Variants in HHIPL1 observed in about 807,000 individuals in gnomAD.
HHIPL1 encodes the protein HHIP like 1.
Under a neutral mutation model 61.8 loss-of-function variants are expected in HHIPL1, and 43 were observed. The observed-to-expected ratio is 0.70, with a 90% confidence interval of 0.55 to 0.90. The LOEUF (loss-of-function observed/expected upper bound fraction) is 0.90. Ranked by LOEUF, HHIPL1 falls within the 40% of genes least tolerant of loss-of-function variation. The pLI is 0.00. For missense variants in HHIPL1, 1,056 were observed against 1,157.7 expected (o/e 0.91, Z 1.28); for synonymous variants, 482 against 515.8 (o/e 0.93, Z 0.89).
intron 6 of HHIPL1, among the ~76,000 whole-genome samples, chr14:99,663,875 T>C (rs1461243637): frequency 6.6e-6 from 1 of 152,168 alleles, no homozygotes; most frequent in Non-Finnish European, 1.5e-5. Flanking sequence ...ATCTGGAATG[T>C]TGGAAATGCA....
chr14:99,659,886 T>G, intron 4 of HHIPL1, 130 bp downstream of exon 4: 2 of 622,662 alleles, frequency 3.2e-6, no homozygotes, highest in African/African-American at 2.3e-5. Context: ...GAGTCTGTCC[T>G]CGGCCCCACT....
the HHIPL1 span, among the ~76,000 whole-genome samples, chr14:99,628,317 C>T: frequency 6.8e-4 from 103 of 152,266 alleles, no homozygotes; most frequent in Admixed American, 1.9e-3. Context: ...CGGTGGCTCA[C>T]GCCTGTCATC....
the HHIPL1 span, among the ~76,000 whole-genome samples, chr14:99,607,857 T>A: frequency 2.0e-5 from 3 of 152,150 alleles, no homozygotes; most frequent in African/African-American, 7.2e-5. Context: ...ATTCATTAGC[T>A]CACTGAACAT....
At chr14:99,669,118 T>C in intron 7 of HHIPL1, 1 of 1,409,960 alleles carries the variant, frequency 7.1e-7, no homozygotes, top group Non-Finnish European at 9.2e-7. Context: ...TCAGACTTGG[T>C]AATCCCTGGG....
At chr14:99,646,818 ATATGATATGATATG>A (rs2055845273) in intron 1 of HHIPL1, among the ~76,000 whole-genome samples, 10 of 67,686 alleles carry the variant, frequency 1.5e-4, no homozygotes, top group South Asian at 4.8e-4. Flanking sequence ...ATATGATATG[ATATGATATGATATG>A]ATATAATATA....
chr14:99,675,565 A>G lies in HHIPL1; in HGVS notation c.2288A>G (p.His763Arg). Reference protein sequence around the residue: ...LECQHNGVGTHNCEHDEDAGV... With the variant: ...LECQHNGVGTRNCEHDEDAGV... Reference sequence around the variant, plus strand: ...TGCCAGCACAACGGCGTGGGCACCCACAACTGCGAGCACGACGAGGATGCG... The same window carrying G: ...TGCCAGCACAACGGCGTGGGCACCCGCAACTGCGAGCACGACGAGGATGCG... Residue 763 changes from histidine to arginine, a missense_variant, in exon 9 of 9, where the codon CAC becomes CGC. By Grantham distance (29) the His-to-Arg change is conservative (BLOSUM62 0). Coordinates refer to ENST00000330710, the MANE Select transcript of HHIPL1 (RefSeq NM_001127258.3). This position sits in a 1 kb window ranked among gnomAD's most constrained non-coding sequence, Gnocchi z 5.4. 1 of 1,537,784 alleles carries G rather than the reference A, an allele frequency of 6.5e-7. No individual in the cohort carries two copies. Among genetic ancestry groups the G allele is most frequent in the South Asian group, 1.2e-5 (1 of 83,868 alleles).
At chr14:99,663,740 A>G (rs1356901790) in intron 6 of HHIPL1, among the ~76,000 whole-genome samples, 1 of 152,090 alleles carries the variant, frequency 6.6e-6, no homozygotes, top group African/African-American at 2.4e-5. Context: ...GTTCCTATGG[A>G]AAATGGAAGT....
At chr14:99,609,209 A>T in the HHIPL1 span, among the ~76,000 whole-genome samples, 1 of 152,052 alleles carries the variant, frequency 6.6e-6, no homozygotes, top group African/African-American at 2.4e-5. Context: ...CTGCAACTCT[A>T]TCACTGTCTG....
At position 99,666,128 on chromosome 14, in the gene HHIPL1, G is replaced by C. The variant is rs545597622; in HGVS notation, c.1649-2094G>C. On this transcript the variant is annotated intron_variant, in intron 6 of 8. Transcript: ENST00000330710. ...AGTTTTACACAGAAAGGTTGGGGGA[G>C]AGTTACAATAATATTTTTAGGTTCT... 6.2e-4 allele frequency among the ~76,000 whole-genome samples: 94 copies of C among 152,328 alleles called. No homozygotes were observed. In the Middle Eastern group the frequency reaches 0.014, roughly 22 times the overall value.
At chr14:99,648,196 G>A (rs1355209786) in intron 1 of HHIPL1, among the ~76,000 whole-genome samples, 2 of 152,148 alleles carry the variant, frequency 1.3e-5, no homozygotes, top group Non-Finnish European at 2.9e-5. Flanking sequence ...CTCAAGGAGT[G>A]TAGGAACAAG....
chr14:99,618,897 A>G, the HHIPL1 span, among the ~76,000 whole-genome samples: 3 of 152,316 alleles, frequency 2.0e-5, no homozygotes, highest in African/African-American at 4.8e-5. Context: ...CAGAGCCCAG[A>G]GCAGGGCCTG....
intron 1 of HHIPL1, among the ~76,000 whole-genome samples, chr14:99,648,252 A>G (rs766411134): frequency 6.6e-6 from 1 of 152,166 alleles, no homozygotes; most frequent in Non-Finnish European, 1.5e-5. Context: ...TTGCATGTTG[A>G]TAGCTCATTA....
chr14:99,639,195 T>C, the HHIPL1 span, among the ~76,000 whole-genome samples: 1 of 152,258 alleles, frequency 6.6e-6, no homozygotes, highest in Admixed American at 6.5e-5. Flanking sequence ...GTTTGCTTCA[T>C]CTGAAATGAA....
At chr14:99,623,873 C>T in the HHIPL1 span, among the ~76,000 whole-genome samples, 110 of 152,336 alleles carry the variant, frequency 7.2e-4, no homozygotes, top group Non-Finnish European at 1.4e-3. Context: ...CCGAGAATTC[C>T]ATCATCACTC....
intron 3 of HHIPL1, 107 bp downstream of exon 3, chr14:99,657,250 AG>A (rs2056064297): frequency 7.5e-7 from 1 of 1,329,896 alleles, no homozygotes; most frequent in Non-Finnish European, 1.1e-6. Flanking sequence ...GTAGGGCAGG[AG>A]AAAAGGTTCT....
At chr14:99,633,752 A>C in the HHIPL1 span, among the ~76,000 whole-genome samples, 1 of 152,052 alleles carries the variant, frequency 6.6e-6, no homozygotes, top group African/African-American at 2.4e-5. Context: ...GCAGGAGAGC[A>C]GGCAGCCTCC....
At chr14:99,614,288 A>T in the HHIPL1 span, among the ~76,000 whole-genome samples, 1 of 152,180 alleles carries the variant, frequency 6.6e-6, no homozygotes, top group East Asian at 1.9e-4. Flanking sequence ...AGCGTCTGAA[A>T]ACTGAACTGA....
At position 99,655,303 on chromosome 14, in the gene HHIPL1, C is replaced by G. The variant is rs538674214; in HGVS notation, c.903-1697C>G. 1.3e-4 allele frequency among the ~76,000 whole-genome samples: 20 copies of G among 152,286 alleles called. No individual in the cohort carries two copies. In the South Asian group the frequency reaches 1.9e-3, roughly 14 times the overall value. ...TTCAAGTCACTTGACCTTTCTGTAT[C>G]TAATTTTTTCTTATTTGTATGGATA... On this transcript the variant is annotated intron_variant, in intron 2 of 8. Transcript: ENST00000330710.
the HHIPL1 span, among the ~76,000 whole-genome samples, chr14:99,633,390 C>G: frequency 1.2e-4 from 18 of 152,294 alleles, no homozygotes; most frequent in Admixed American, 3.3e-4. Context: ...CCTGGCAGAC[C>G]CCCACAGAGG....
Sources: allele counts gnomAD v4.1 joint callset (sites outside exome capture counted in the v4.1 genomes callset), GRCh38; gene constraint gnomAD v4.1.1; non-coding constraint Gnocchi (gnomAD v3.1); transcripts MANE v1.5; gene names NCBI Gene and HGNC (gene_info 2026-07-23, HGNC 2026-07-21).